DLGAP2: variants seen among roughly 807,000 people sequenced by gnomAD.
DLGAP2 encodes disks large-associated protein 2.
DLGAP2 carries 26 observed loss-of-function variants against 100.3 expected under a neutral mutation model. The ratio of observed to expected loss-of-function variants is 0.26; its 90% confidence interval spans 0.19 to 0.36. The LOEUF is 0.36. DLGAP2 is among the 10% of genes least tolerant of loss of function. The probability of loss-of-function intolerance (pLI) is 1.00; values close to 1 mark genes in which losing one functional copy is unlikely to be tolerated. For missense variants in DLGAP2, 1,858 were observed against 1,453.2 expected (o/e 1.28, Z -4.53); for synonymous variants, 886 against 630.1 (o/e 1.41, Z -6.08).
chr8:1,101,459 G>A (rs557193622), intron 2 of DLGAP2, among the ~76,000 whole-genome samples: 6 of 152,274 alleles, frequency 3.9e-5, no homozygotes, highest in South Asian at 4.2e-4. Context: ...CAATGTGAGC[G>A]ACTCACAGGA....
intron 5 of DLGAP2, among the ~76,000 whole-genome samples, chr8:1,556,517 G>C (rs539266536): frequency 6.6e-6 from 1 of 152,176 alleles, no homozygotes; most frequent in South Asian, 2.1e-4. Context: ...GTCTGTTCCC[G>C]CTGAGTCTGT....
At position 1,678,246 on chromosome 8, in the gene DLGAP2, C is replaced by T. The variant is rs759725513; in HGVS notation, c.2321C>T (p.Thr774Met). 49 of 1,613,506 alleles carry T rather than the reference C, an allele frequency of 3.0e-5. No individual in the cohort carries two copies. The highest frequency in any genetic ancestry group is 3.6e-5 in the Non-Finnish European group (43 of 1,179,700). The change falls in exon 12 of 15, where the codon ACG becomes ATG. Residue 774 changes from threonine to methionine, a missense_variant. Physicochemically the swap from Thr to Met is moderately conservative, Grantham distance 81. Transcript: ENST00000637795. ...HGRFKRSNSV[T>M]AAVQADLELE... ...CGTTTTAAACGTTCTAACAGCGTCA[C>T]GGCCGCCGTCCAAGCTGACCTGGAG...
At chr8:1,319,041 A>G (rs992129322) in intron 3 of DLGAP2, among the ~76,000 whole-genome samples, 4 of 148,048 alleles carry the variant, frequency 2.7e-5, no homozygotes, top group Non-Finnish European at 6.0e-5. Flanking sequence ...GTGGCGAACA[A>G]TGGGCTCCCT....
chr8:1,492,312 GGAGCAGA>G (rs1554483082), intron 3 of DLGAP2, among the ~76,000 whole-genome samples: 1 of 152,186 alleles, frequency 6.6e-6, no homozygotes, highest in Non-Finnish European at 1.5e-5. Flanking sequence ...TTGTCCTAAC[GGAGCAGA>G]AATGAATCCC....
At chr8:1,267,998 A>T (rs560484997) in intron 3 of DLGAP2, among the ~76,000 whole-genome samples, 3 of 152,232 alleles carry the variant, frequency 2.0e-5, no homozygotes, top group Non-Finnish European at 4.4e-5. Flanking sequence ...ACAGCTATTC[A>T]ATATGATAAG....
At chr8:1,121,475 T>C (rs1796046206) in intron 2 of DLGAP2, among the ~76,000 whole-genome samples, 1 of 151,558 alleles carries the variant, frequency 6.6e-6, no homozygotes, top group Admixed American at 6.6e-5. Flanking sequence ...TCCTCATCTC[T>C]CTAGAACCCA....
chr8:1,228,262 T>A (rs1242218749), intron 2 of DLGAP2, among the ~76,000 whole-genome samples: 1 of 152,070 alleles, frequency 6.6e-6, no homozygotes, highest in Non-Finnish European at 1.5e-5. Context: ...AATAAAACTT[T>A]AAAAAAAGGA....
chr8:1,626,834 C>A lies in DLGAP2; in HGVS notation c.1537C>A (p.Gln513Lys), dbSNP rs1256798814. 6.2e-7 allele frequency: 1 copy of A among 1,607,466 alleles called. No individual in the cohort carries two copies. Among genetic ancestry groups the A allele is most frequent in the Non-Finnish European group, 8.5e-7 (1 of 1,177,212 alleles). The change falls in exon 7 of 15, where the codon CAG becomes AAG. Residue 513 changes from glutamine (Q) to lysine (K), a missense_variant. By Grantham distance (53) the Gln-to-Lys change is moderately conservative. Transcript: ENST00000637795. The stretch of plus-strand genomic sequence containing the variant: ...CTCCCCGAAATTCCGCTCCCGGAAC[C>A]AGAGCTACATGAGGGCCGTCAGCAC... ...YNSPKFRSRN[Q>K]SYMRAVSTLS...
intron 3 of DLGAP2, among the ~76,000 whole-genome samples, chr8:1,483,065 G>A (rs955825210): frequency 4.6e-5 from 7 of 152,150 alleles, no homozygotes; most frequent in Non-Finnish European, 8.8e-5. Context: ...GCGCGCGGCC[G>A]GAGAGGCGCA....
chr8:1,512,946 GGAGA>G (rs147546358), intron 4 of DLGAP2, among the ~76,000 whole-genome samples: 1,813 of 152,192 alleles, frequency 0.012, 43 homozygotes, highest in African/African-American at 0.041. Flanking sequence ...AGGCCACAGC[GGAGA>G]AAGATGGGAG....
intron 2 of DLGAP2, among the ~76,000 whole-genome samples, chr8:1,138,171 C>G (rs1048810823): frequency 1.3e-5 from 2 of 152,254 alleles, no homozygotes; most frequent in African/African-American, 4.8e-5. Context: ...TGTCTCCCAG[C>G]TCACTGGTGC....
At chr8:1,185,340 G>A (rs894441688) in intron 2 of DLGAP2, among the ~76,000 whole-genome samples, 11 of 152,190 alleles carry the variant, frequency 7.2e-5, no homozygotes, top group East Asian at 1.9e-4. Context: ...TTCTGCTGAC[G>A]TCATCCTGGA....
At chr8:979,066 G>T (rs896632370) in intron 2 of DLGAP2, among the ~76,000 whole-genome samples, 1 of 152,186 alleles carries the variant, frequency 6.6e-6, no homozygotes, top group South Asian at 2.1e-4. Flanking sequence ...CATGCAGTCC[G>T]AATGCTAGCC....
At chr8:1,583,802 C>T (rs543313391) in intron 6 of DLGAP2, among the ~76,000 whole-genome samples, 2 of 152,218 alleles carry the variant, frequency 1.3e-5, no homozygotes, top group South Asian at 2.1e-4. Flanking sequence ...AGACCCTCCA[C>T]GCGCTGGTTG....
intron 6 of DLGAP2, among the ~76,000 whole-genome samples, chr8:1,601,209 A>C (rs955215240): frequency 1.3e-5 from 2 of 152,200 alleles, no homozygotes; most frequent in African/African-American, 4.8e-5. Flanking sequence ...GAGGTTGCCG[A>C]ACAGCAAAGA....
chr8:1,483,481 C>T (rs1799156120), intron 3 of DLGAP2, among the ~76,000 whole-genome samples: 2 of 146,294 alleles, frequency 1.4e-5, no homozygotes, highest in South Asian at 2.2e-4. Flanking sequence ...CTCCACAGGG[C>T]AGGGAGGCAG....
chr8:1,525,508 C>G (rs938299063), intron 4 of DLGAP2, among the ~76,000 whole-genome samples: 2 of 152,086 alleles, frequency 1.3e-5, no homozygotes, highest in African/African-American at 4.8e-5. Context: ...GTGGGCAGAC[C>G]CCAAAGCTGC....
intron 1 of DLGAP2, among the ~76,000 whole-genome samples, chr8:888,703 TG>T (rs1411484796): frequency 6.6e-6 from 1 of 152,004 alleles, no homozygotes; most frequent in Non-Finnish European, 1.5e-5. Context: ...CTCCTGTGCC[TG>T]GAGATGTCAC....
chr8:1,457,377 A>G (rs1051162376), intron 3 of DLGAP2, among the ~76,000 whole-genome samples: 2 of 152,118 alleles, frequency 1.3e-5, no homozygotes, highest in African/African-American at 4.8e-5. Flanking sequence ...CTAAAATGAA[A>G]CTCTGAGTTT....
Sources: gnomAD v4.1 joint callset for allele counts (sites outside exome capture counted in the v4.1 genomes callset) on GRCh38, gnomAD v4.1.1 for gene constraint, MANE v1.5 for transcripts, NCBI Gene and HGNC (gene_info 2026-07-23, HGNC 2026-07-21) for gene names.